TULP4: variants seen among roughly 807,000 people sequenced by gnomAD.
The protein encoded by TULP4 is tubby-related protein 4.
In TULP4, 16 loss-of-function variants were observed where a neutral mutation model predicts 129.0. That is an observed-to-expected ratio of 0.12 (90% CI 0.08 to 0.19). The LOEUF is 0.19. Among genes scored for constraint, TULP4 ranks in the 10% least tolerant of loss-of-function variants. The pLI is 1.00. For synonymous variants in TULP4, 998 were observed against 854.0 expected (o/e 1.17, Z -2.94); for missense variants, 1,842 against 2,059.1 (o/e 0.89, Z 2.04).
At chr6:158,350,121 C>G (rs867286540) in intron 1 of TULP4, among the ~76,000 whole-genome samples, 2 of 149,592 alleles carry the variant, frequency 1.3e-5, no homozygotes, top group Non-Finnish European at 3.0e-5. Flanking sequence ...TCCTCACTTC[C>G]CATTCGGGGC....
At chr6:158,417,312 A>G (rs1052632722) in intron 2 of TULP4, among the ~76,000 whole-genome samples, 2 of 152,204 alleles carry the variant, frequency 1.3e-5, no homozygotes, top group African/African-American at 4.8e-5. Flanking sequence ...AGATATTAGA[A>G]ACAAGAAAGG....
chr6:158,377,550 G>C (rs995245566), intron 1 of TULP4, among the ~76,000 whole-genome samples: 2 of 152,200 alleles, frequency 1.3e-5, no homozygotes, highest in Admixed American at 1.3e-4. Context: ...ATCTTCACTT[G>C]ACAATTATTT....
rs1777492920 is a variant in TULP4 at position 158,388,147 on chromosome 6, T to A, written c.253-24918T>A. On this transcript the variant is annotated intron_variant, in intron 1 of 13. Coordinates refer to ENST00000367097, the MANE Select transcript of TULP4 (RefSeq NM_020245.5). ...GGTTTAGCCAGAGTAATCTCATCTT[T>A]TTCTATTTTATTTTTATTTTAGCAG... Among the ~76,000 whole-genome samples, 3 of 152,242 alleles carry A rather than the reference T, an allele frequency of 2.0e-5. No homozygotes were observed. The South Asian group carries it at 6.2e-4, about 32-fold the overall frequency.
At chr6:158,374,564 C>G (rs970192827) in intron 1 of TULP4, among the ~76,000 whole-genome samples, 1 of 152,216 alleles carries the variant, frequency 6.6e-6, no homozygotes, top group Non-Finnish European at 1.5e-5. Context: ...TTAGGCAACA[C>G]AGCTTATTCC....
At chr6:158,497,805 C>A (rs1236130184) in intron 11 of TULP4, among the ~76,000 whole-genome samples, 3 of 152,182 alleles carry the variant, frequency 2.0e-5, no homozygotes, top group African/African-American at 7.2e-5. Context: ...ACAAAGGAGG[C>A]CTGCTGTGCC....
chr6:158,337,086 GTCTCTC>G (rs149996095), intron 1 of TULP4, among the ~76,000 whole-genome samples: 27 of 137,416 alleles, frequency 2.0e-4, no homozygotes, highest in Admixed American at 6.6e-4. Flanking sequence ...CTTTCTTTCT[GTCTCTC>G]TCTCTCTCTT....
rs561797484 is a variant in TULP4 at position 158,413,767 on chromosome 6, T to C, written c.381+574T>C. Among the ~76,000 whole-genome samples the C allele has an allele frequency of 2.0e-5, 3 of 152,344 alleles. No individual in the cohort carries two copies. Among genetic ancestry groups the C allele is most frequent in the Admixed American group, 1.3e-4 (2 of 15,308 alleles). ...CTGCGCTGTTTCTAGAACTGCTCCA[T>C]AGATTGTTCTGGTTTACAGGACGGC... is the stretch of plus-strand genomic sequence containing the variant. On this transcript the variant is annotated intron_variant, in intron 2 of 13. Coordinates refer to ENST00000367097, the MANE Select transcript of TULP4 (RefSeq NM_020245.5). This position sits in a 1 kb window ranked among gnomAD's most constrained non-coding sequence, Gnocchi z 4.9.
intron 1 of TULP4, among the ~76,000 whole-genome samples, chr6:158,388,934 C>T (rs1777520579): frequency 6.6e-6 from 1 of 152,108 alleles, no homozygotes; most frequent in Non-Finnish European, 1.5e-5. Flanking sequence ...GGGTAGCTGC[C>T]ATGGTGGACA....
At chr6:158,389,718 T>G (rs1473833438) in intron 1 of TULP4, among the ~76,000 whole-genome samples, 1 of 152,170 alleles carries the variant, frequency 6.6e-6, no homozygotes, top group East Asian at 1.9e-4. Context: ...TTGACACAGC[T>G]CCTGTGTTCT....
chr6:158,273,870 A>G (rs1045515099), intron 1 of TULP4, among the ~76,000 whole-genome samples: 1 of 152,212 alleles, frequency 6.6e-6, no homozygotes, highest in South Asian at 2.1e-4. Flanking sequence ...CTTATCATAG[A>G]TTCATGAGGT....
chr6:158,359,475 A>G (rs1483459140), intron 1 of TULP4, among the ~76,000 whole-genome samples: 19 of 152,174 alleles, frequency 1.2e-4, no homozygotes, highest in Admixed American at 9.8e-4. Flanking sequence ...CTGAGTCCCA[A>G]AGCTGAAGAA....
chr6:158,272,827 G>A (rs1778574261), intron 1 of TULP4, among the ~76,000 whole-genome samples: 3 of 152,230 alleles, frequency 2.0e-5, no homozygotes, highest in Admixed American at 6.5e-5. Flanking sequence ...TACTATAGTA[G>A]ATGTGTAGTT....
intron 3 of TULP4, among the ~76,000 whole-genome samples, chr6:158,442,313 GA>G (rs1419530949): frequency 6.6e-6 from 1 of 152,138 alleles, no homozygotes; most frequent in Non-Finnish European, 1.5e-5. Context: ...GTGTTTTGAA[GA>G]GTTGTAAAAT....
intron 3 of TULP4, among the ~76,000 whole-genome samples, chr6:158,444,219 C>CA (rs71030171): frequency 0.19 from 6,546 of 34,092 alleles, 1,770 homozygotes; most frequent in South Asian, 0.32. Context: ...GACTCTGTCT[C>CA]AAAAAAAAAA....
At chr6:158,411,500 T>A (rs188658290) in intron 1 of TULP4, among the ~76,000 whole-genome samples, 21 of 152,326 alleles carry the variant, frequency 1.4e-4, no homozygotes, top group African/African-American at 4.8e-4. Context: ...TTTCTAGTGA[T>A]CACCAGGTCT....
At chr6:158,400,610 G>C (rs1777820515) in intron 1 of TULP4, among the ~76,000 whole-genome samples, 1 of 152,188 alleles carries the variant, frequency 6.6e-6, no homozygotes, top group Admixed American at 6.5e-5. Context: ...CATTCTGGGA[G>C]TAGAAAAAAT....
intron 1 of TULP4, among the ~76,000 whole-genome samples, chr6:158,367,265 T>C (rs1264941522): frequency 6.6e-6 from 1 of 152,148 alleles, no homozygotes. Context: ...TAACATATTG[T>C]TCAGCAAGCT....
At position 158,482,459 on chromosome 6, in the gene TULP4, C is replaced by T. The variant is rs149990452; in HGVS notation, c.1486+1170C>T. The stretch of plus-strand genomic sequence containing the variant: ...CTTTTGACTCGTGACAAGCTAGTAC[C>T]AGGAACAAAGAAAGCAACTAGCAGA... On this transcript the variant is annotated intron_variant, in intron 8 of 13. Coordinates refer to ENST00000367097, the MANE Select transcript of TULP4 (RefSeq NM_020245.5). Among the ~76,000 whole-genome samples, 736 of 152,234 alleles carry T rather than the reference C, an allele frequency of 4.8e-3. 5 individuals carry two copies. Among genetic ancestry groups the T allele is most frequent in the African/African-American group, 0.017 (686 of 41,522 alleles).
At chr6:158,298,502 G>T (rs1372604611) in intron 1 of TULP4, among the ~76,000 whole-genome samples, 19 of 151,058 alleles carry the variant, frequency 1.3e-4, no homozygotes, top group Admixed American at 1.3e-3. Context: ...ATGTGCCATG[G>T]CGATGAAGGC....
Sources: allele counts gnomAD v4.1 joint callset (sites outside exome capture counted in the v4.1 genomes callset), GRCh38; gene constraint gnomAD v4.1.1; non-coding constraint Gnocchi (gnomAD v3.1); transcripts MANE v1.5; gene names NCBI Gene and HGNC (gene_info 2026-07-23, HGNC 2026-07-21).